TDRD9: variants seen among roughly 807,000 people sequenced by gnomAD.
The protein encoded by TDRD9 is tudor domain containing 9, also known as ATP-dependent RNA helicase TDRD9.
A neutral mutation model predicts 172.6 loss-of-function variants in TDRD9; 124 were observed. That is an observed-to-expected ratio of 0.72 (90% CI 0.62 to 0.83). The LOEUF (loss-of-function observed/expected upper bound fraction) is 0.83, where lower values mean the gene tolerates loss of function less well. Ranked by LOEUF, TDRD9 falls within the 40% of genes least tolerant of loss-of-function variation. The pLI is 0.00. For synonymous variants in TDRD9, 619 were observed against 617.1 expected, an observed-to-expected ratio of 1.00 and a Z score of -0.05; for missense variants, 1,479 against 1,714.1, an observed-to-expected ratio of 0.86 and a Z score of 2.42.
chr14:104,020,238 G>A (rs1368432474), intron 23 of TDRD9, among the ~76,000 whole-genome samples: 5 of 152,174 alleles, frequency 3.3e-5, no homozygotes, highest in Admixed American at 2.0e-4. Context: ...AGGGATAAGC[G>A]GAAGGTCAAG....
chr14:103,950,543 G>A (rs1485899438), intron 1 of TDRD9, among the ~76,000 whole-genome samples: 3 of 152,242 alleles, frequency 2.0e-5, no homozygotes, highest in Non-Finnish European at 4.4e-5. Flanking sequence ...AACACAGGAA[G>A]ATGACGCCAG....
intron 1 of TDRD9, among the ~76,000 whole-genome samples, chr14:103,934,482 C>T (rs1255802689): frequency 6.6e-6 from 1 of 152,058 alleles, no homozygotes; most frequent in East Asian, 1.9e-4. Flanking sequence ...AACAGGAGAT[C>T]AAGAGGTATG....
At chr14:104,025,897 C>A in intron 26 of TDRD9, 121 bp downstream of exon 26, 1 of 1,021,424 alleles carries the variant, frequency 9.8e-7, no homozygotes, top group Non-Finnish European at 1.5e-6. Flanking sequence ...GCAAAGTAGT[C>A]TGTTTCCCTC....
In TDRD9 at chr14:103,980,637, A is replaced by C. The variant is rs182926088; in HGVS notation, c.1011+5084A>C. Reference sequence around the variant, plus strand: ...GGGCCTAACTGATGTCAAGCCCTCCACAAGAGGTGGAGGAGCAGAGTCTTC... The same window carrying C: ...GGGCCTAACTGATGTCAAGCCCTCCCCAAGAGGTGGAGGAGCAGAGTCTTC... On this transcript the variant is annotated intron_variant, in intron 7 of 35. Coordinates refer to ENST00000409874, the MANE Select transcript of TDRD9 (RefSeq NM_153046.3). The surrounding 1 kb of genome is among the most constrained non-coding windows in gnomAD (Gnocchi z 4.5). Among the ~76,000 whole-genome samples the C allele has an allele frequency of 3.3e-3, 506 of 152,228 alleles. 1 individual carries two copies. Among genetic ancestry groups the C allele is most frequent in the Non-Finnish European group, 4.8e-3 (325 of 67,990 alleles).
At chr14:104,046,447 A>G (rs1394149058) in intron 34 of TDRD9, among the ~76,000 whole-genome samples, 1 of 152,096 alleles carries the variant, frequency 6.6e-6, no homozygotes, top group Non-Finnish European at 1.5e-5. Context: ...ATGAACATCT[A>G]GTGGTGATGA....
chr14:104,039,042 T>C (rs1046998683), intron 32 of TDRD9, among the ~76,000 whole-genome samples: 19 of 152,184 alleles, frequency 1.2e-4, no homozygotes, highest in African/African-American at 4.6e-4. Context: ...AGAGGTTTAA[T>C]TGACTCACAG....
At chr14:103,956,109 AAAATATATATATATATATATAT>A (rs2032209548) in intron 2 of TDRD9, among the ~76,000 whole-genome samples, 2 of 20,760 alleles carry the variant, frequency 9.6e-5, no homozygotes, top group Non-Finnish European at 1.7e-4. Context: ...AAAAAAAAAA[AAAATATATATATATATATATAT>A]ATATATATAT....
At position 103,950,778 on chromosome 14, in the gene TDRD9, G is replaced by A. The variant is rs552927671; in HGVS notation, c.216-4886G>A. 7.4e-4 allele frequency among the ~76,000 whole-genome samples: 112 copies of A among 152,274 alleles called. 2 individuals carry two copies. The South Asian group carries it at 0.013, about 18-fold the overall frequency. ...ATGGAGTCATTAATGTTAAAACCCT[G>A]ACGAACAGAGCCAGGGAAGGCCATG... On this transcript the variant is annotated intron_variant, in intron 1 of 35. Coordinates refer to ENST00000409874, the MANE Select transcript of TDRD9 (RefSeq NM_153046.3).
chr14:103,928,660 G>C lies in TDRD9; in HGVS notation c.151G>C (p.Gly51Arg), dbSNP rs965959884. The change falls in exon 1 of 36, where the codon GGT becomes CGT. Residue 51 changes from glycine (G) to arginine (R), a missense_variant. Gly to Arg is a moderately radical substitution (Grantham distance 125). This residue lies in a region of TDRD9 where 1,413 missense variants were observed against 1,649.1 expected (regional missense o/e 0.86). Transcript: ENST00000409874. ...GCGCCAGGACGTGGCCCCCGGCGCTGGTCCCGCGGCCCAGGCTCCGGCTCT... is the reference window on the plus strand; with the variant it reads ...GCGCCAGGACGTGGCCCCCGGCGCTCGTCCCGCGGCCCAGGCTCCGGCTCT... ...VQRQDVAPGAGPAAQAPALAQ... is the reference protein window; with the variant it reads ...VQRQDVAPGARPAAQAPALAQ... 11 of 1,243,544 alleles carry C rather than the reference G, an allele frequency of 8.8e-6. No homozygotes were observed. Among genetic ancestry groups the C allele is most frequent in the Non-Finnish European group, 1.1e-5 (11 of 982,692 alleles). 77.0% of individuals were successfully genotyped at this position (1,243,544 alleles called of 1,614,324 possible). A position where few individuals can be genotyped will look rare whatever the true frequency, so the allele number is the denominator to read the frequency against.
intron 1 of TDRD9, chr14:103,940,541 T>A (rs1253495919): frequency 9.7e-6 from 3 of 310,708 alleles, no homozygotes; most frequent in Non-Finnish European, 1.8e-5. Context: ...TTGCTTTAGT[T>A]CCTGTGAGGT....
At chr14:103,941,425 G>T in intron 1 of TDRD9, 2 of 1,535,216 alleles carry the variant, frequency 1.3e-6, no homozygotes, top group Non-Finnish European at 1.7e-6. Flanking sequence ...GTTTGGCAAG[G>T]TTGAACTTGT....
chr14:103,994,099 G>A (rs76188495), intron 9 of TDRD9, among the ~76,000 whole-genome samples: 4,989 of 152,336 alleles, frequency 0.033, 105 homozygotes, highest in South Asian at 0.1. Context: ...AGTCACTGCT[G>A]TGTAAAGGAA....
At chr14:104,028,372 A>G (rs1286218033) in intron 28 of TDRD9, among the ~76,000 whole-genome samples, 1 of 152,130 alleles carries the variant, frequency 6.6e-6, no homozygotes, top group African/African-American at 2.4e-5. Flanking sequence ...TCTTTTTGAT[A>G]ATAGCCATTC....
At chr14:103,930,586 C>A (rs1005461809) in intron 1 of TDRD9, among the ~76,000 whole-genome samples, 1 of 152,188 alleles carries the variant, frequency 6.6e-6, no homozygotes, top group Non-Finnish European at 1.5e-5. Context: ...TTGTAGAGTT[C>A]TTTCAAGTAC....
intron 3 of TDRD9, 61 bp from the exon 4 acceptor site, chr14:103,965,272 A>T (rs959287768): frequency 7.1e-7 from 1 of 1,412,006 alleles, no homozygotes; most frequent in African/African-American, 1.4e-5. Context: ...ACTTCTTAAT[A>T]TAGGTGATAC....
chr14:104,027,395 A>G (rs569787461), intron 28 of TDRD9, among the ~76,000 whole-genome samples: 2 of 152,194 alleles, frequency 1.3e-5, no homozygotes, highest in Admixed American at 6.5e-5. Context: ...TGTTCTATAT[A>G]TGTGGGGAGT....
intron 8 of TDRD9, 28 bp downstream of exon 8, chr14:103,986,348 C>T (rs1566761081): frequency 1.2e-5 from 17 of 1,474,578 alleles, no homozygotes; most frequent in Non-Finnish European, 1.6e-5. Flanking sequence ...TGGTAATGCA[C>T]TTTAATGTAT....
rs143470329 is a variant in TDRD9 at position 104,026,799 on chromosome 14, G to C, written c.3142G>C (p.Val1048Leu). 1.1e-5 allele frequency: 17 copies of C among 1,613,888 alleles called. No individual in the cohort carries two copies. The African/African-American group carries it at 2.3e-4, about 22-fold the overall frequency. Reference sequence around the variant, plus strand: ...TCTGGTGAGCGGCTGCACCCTCCTTGTGAAGGTCTTCTCTGTGGTGCACAG... The same window carrying C: ...TCTGGTGAGCGGCTGCACCCTCCTTCTGAAGGTCTTCTCTGTGGTGCACAG... ...ASLVSGCTLL[V>L]KVFSVVHSVL... Residue 1048 changes from valine to leucine, a missense_variant, in exon 28 of 36, where the codon GTG (valine) becomes CTG (leucine). Val to Leu is a conservative substitution (Grantham distance 32). Coordinates refer to ENST00000409874, the MANE Select transcript of TDRD9 (RefSeq NM_153046.3).
intron 34 of TDRD9, among the ~76,000 whole-genome samples, chr14:104,048,919 G>A (rs1006933171): frequency 6.6e-6 from 1 of 152,138 alleles, no homozygotes; most frequent in African/African-American, 2.4e-5. Flanking sequence ...TGGGAGTGCT[G>A]TGGTGCTGGG....
Sources: allele counts gnomAD v4.1 joint callset (sites outside exome capture counted in the v4.1 genomes callset), GRCh38; gene constraint gnomAD v4.1.1; regional missense constraint gnomAD v4.1.1; non-coding constraint Gnocchi (gnomAD v3.1); transcripts MANE v1.5; gene names NCBI Gene and HGNC (gene_info 2026-07-23, HGNC 2026-07-21).